Variants in ARHGAP44 observed in about 807,000 individuals in gnomAD.
ARHGAP44 encodes the protein rho GTPase-activating protein 44.
Under a neutral mutation model 106.8 loss-of-function variants are expected in ARHGAP44, and 43 were observed. That is an observed-to-expected ratio of 0.40 (90% CI 0.32 to 0.52). The LOEUF (loss-of-function observed/expected upper bound fraction) is 0.52. Ranked by LOEUF, ARHGAP44 falls within the 20% of genes least tolerant of loss-of-function variation. The probability of loss-of-function intolerance (pLI) is 0.48; values close to 1 mark genes in which losing one functional copy is unlikely to be tolerated. For missense variants in ARHGAP44, 866 were observed against 1,050.5 expected, an observed-to-expected ratio of 0.82 and a Z score of 2.43; for synonymous variants, 439 against 410.3, an observed-to-expected ratio of 1.07 and a Z score of -0.85.
intron 5 of ARHGAP44, among the ~76,000 whole-genome samples, 177 bp downstream of exon 5, chr17:12,916,188 C>T (rs548933442): frequency 1.3e-5 from 2 of 152,236 alleles, no homozygotes; most frequent in South Asian, 2.1e-4. Flanking sequence ...GTCCTTTTAG[C>T]ATTTGCTACC....
chr17:12,900,132 A>AT lies in ARHGAP44; in HGVS notation c.198+3626dup, dbSNP rs372138557. Among the ~76,000 whole-genome samples, 292 of 151,812 alleles carry AT rather than the reference A, an allele frequency of 1.9e-3. 1 individual carries two copies. Among genetic ancestry groups the AT allele is most frequent in the African/African-American group, 6.7e-3 (277 of 41,386 alleles). ...CATGTTGCCATCTTTTTTTATTTTT[A>AT]TTTTTATTTTTTTTTGAGACAGAGC... On this transcript the variant is annotated intron_variant, in intron 3 of 20. Transcript: ENST00000379672.
intron 1 of ARHGAP44, among the ~76,000 whole-genome samples, chr17:12,844,863 C>T (rs59892905): frequency 6.6e-6 from 1 of 151,612 alleles, no homozygotes; most frequent in Non-Finnish European, 1.5e-5. Context: ...GGTTATCTGT[C>T]GAAGATTGGT....
rs572601800 is a variant in ARHGAP44 at position 12,985,539 on chromosome 17, C to T, written c.2317+631C>T. On this transcript the variant is annotated intron_variant, in intron 20 of 20. Coordinates refer to ENST00000379672, the MANE Select transcript of ARHGAP44 (RefSeq NM_014859.6). ...TTGGGCTTAAATTTAGAAACAAAGA[C>T]GGAGCTCTCTTCCCCCAGAAAAATC... 8 of 152,316 alleles carry T rather than the reference C, an allele frequency of 5.3e-5. No individual in the cohort carries two copies. The South Asian group carries it at 1.2e-3, about 24-fold the overall frequency. The allele number at this position is 152,316 out of a possible 1,614,324, so 9.4% of individuals were successfully genotyped here.
chr17:12,913,233 G>T (rs1249880109), intron 4 of ARHGAP44, among the ~76,000 whole-genome samples: 1 of 152,022 alleles, frequency 6.6e-6, no homozygotes, highest in East Asian at 1.9e-4. Flanking sequence ...CTTAGGATGA[G>T]GTTTAATTTT....
chr17:12,889,104 T>G (rs1202158831), intron 1 of ARHGAP44, among the ~76,000 whole-genome samples: 1 of 152,212 alleles, frequency 6.6e-6, no homozygotes, highest in Admixed American at 6.5e-5. Flanking sequence ...AAATCTGCCA[T>G]TTTTGTTTAT....
At position 12,977,657 on chromosome 17, in the gene ARHGAP44, C is replaced by T. The variant is rs73294311; in HGVS notation, c.1764-2401C>T. Reference sequence around the variant, plus strand: ...GGTAGCGCCCCTAGTAGCCGCCCTACGCCCCACCTCTCCCCACTGGGTCAG... The same window carrying T: ...GGTAGCGCCCCTAGTAGCCGCCCTATGCCCCACCTCTCCCCACTGGGTCAG... On this transcript the variant is annotated intron_variant, in intron 18 of 20. Coordinates refer to ENST00000379672, the MANE Select transcript of ARHGAP44 (RefSeq NM_014859.6). Among the ~76,000 whole-genome samples the T allele has an allele frequency of 5.4e-3, 826 of 152,252 alleles. 9 individuals carry two copies. The highest frequency in any genetic ancestry group is 0.018 in the African/African-American group (760 of 41,526).
At chr17:12,891,258 A>G (rs2215055) in intron 1 of ARHGAP44, among the ~76,000 whole-genome samples, 31,262 of 152,110 alleles carry the variant, frequency 0.21, 4,042 homozygotes, top group East Asian at 0.44. Context: ...GGTATTTGTT[A>G]TAGCAGTACC....
rs376636374 is a variant in ARHGAP44 at position 12,855,206 on chromosome 17, C to G, written c.54-39734C>G. ...ATCTCTGGGGCCAGGAGTTCAAGAC[C>G]AACCTGGGCAACATAGTGAGACCCC... On this transcript the variant is annotated intron_variant, in intron 1 of 20. Transcript: ENST00000379672. 8.9e-4 allele frequency among the ~76,000 whole-genome samples: 136 copies of G among 152,124 alleles called. 3 individuals are homozygous for G. In the East Asian group the frequency reaches 0.019, roughly 21 times the overall value.
At chr17:12,814,343 C>A (rs1027038032) in intron 1 of ARHGAP44, among the ~76,000 whole-genome samples, 1 of 149,002 alleles carries the variant, frequency 6.7e-6, no homozygotes, top group Non-Finnish European at 1.5e-5. Flanking sequence ...TGAGTTCAAG[C>A]AATTCTCCTG....
At chr17:12,920,731 A>G (rs1311537814) in intron 6 of ARHGAP44, among the ~76,000 whole-genome samples, 1 of 152,226 alleles carries the variant, frequency 6.6e-6, no homozygotes, top group Non-Finnish European at 1.5e-5. Flanking sequence ...CTTTTCCTGA[A>G]GCTGATGGTG....
intron 1 of ARHGAP44, among the ~76,000 whole-genome samples, chr17:12,817,331 G>A (rs761026048): frequency 1.3e-5 from 2 of 152,074 alleles, no homozygotes; most frequent in Admixed American, 1.3e-4. Flanking sequence ...TTTACCCTGT[G>A]ATTATTATGC....
At chr17:12,987,101 C>T (rs1400884871) in intron 20 of ARHGAP44, 7 of 1,533,092 alleles carry the variant, frequency 4.6e-6, no homozygotes, top group South Asian at 1.2e-5. Flanking sequence ...GTTCTTGCAG[C>T]TGTGTGACAT....
chr17:12,974,158 C>T lies in ARHGAP44; in HGVS notation c.1611C>T (p.Ser537=). ...RRGSSAGRKV[S]CAPPSMQPPA... Reference sequence around the variant, plus strand: ...GCTCCTCGGCCGGTCGGAAAGTGTCCTGCGCCCCGCCCTCCATGCAGCCTC... The same window carrying T: ...GCTCCTCGGCCGGTCGGAAAGTGTCTTGCGCCCCGCCCTCCATGCAGCCTC... Residue 537 remains serine (S), a synonymous_variant, in exon 18 of 21, where the codon TCC becomes TCT. Transcript: ENST00000379672. The T allele has an allele frequency of 6.4e-7, 1 of 1,556,174 alleles. No individual in the cohort carries two copies. The highest frequency in any genetic ancestry group is 8.7e-7 in the Non-Finnish European group (1 of 1,150,464).
intron 10 of ARHGAP44, among the ~76,000 whole-genome samples, chr17:12,947,761 T>G (rs1043703786): frequency 6.6e-6 from 1 of 152,236 alleles, no homozygotes; most frequent in African/African-American, 2.4e-5. Flanking sequence ...CATGGTTTTA[T>G]GAAGATCTGA....
chr17:12,976,867 G>C (rs987517824), intron 18 of ARHGAP44, among the ~76,000 whole-genome samples: 5 of 152,150 alleles, frequency 3.3e-5, no homozygotes, highest in African/African-American at 1.2e-4. Context: ...GCCAGGTGAG[G>C]CCGACCAGGA....
intron 1 of ARHGAP44, among the ~76,000 whole-genome samples, chr17:12,809,556 A>G (rs1241690966): frequency 2.0e-5 from 3 of 152,188 alleles, no homozygotes; most frequent in Non-Finnish European, 2.9e-5. Context: ...AACATGGGAA[A>G]GACCTGCCCC....
At position 12,974,241 on chromosome 17, in the gene ARHGAP44, T is replaced by A. The variant is rs1195077205; in HGVS notation, c.1694T>A (p.Leu565Gln). 3 of 1,536,792 alleles carry A rather than the reference T, an allele frequency of 2.0e-6. No individual in the cohort carries two copies. The highest frequency in any genetic ancestry group is 2.6e-6 in the Non-Finnish European group (3 of 1,141,834). ...PLPSPLPEQP[L>Q]DSPAAPALSP... ...CCTTCGCCGCTGCCGGAGCAGCCCC[T>A]GGACAGCCCCGCGGCCCCCGCGCTC... Residue 565 changes from leucine to glutamine, a missense_variant, in exon 18 of 21, where the codon CTG becomes CAG. By Grantham distance (113) the Leu-to-Gln change is moderately radical. This residue lies in a region of ARHGAP44 where 418 missense variants were observed against 403.6 expected (regional missense o/e 1.04). Coordinates refer to ENST00000379672, the MANE Select transcript of ARHGAP44 (RefSeq NM_014859.6).
At chr17:12,852,362 G>A (rs1316006230) in intron 1 of ARHGAP44, among the ~76,000 whole-genome samples, 1 of 129,444 alleles carries the variant, frequency 7.7e-6, no homozygotes, top group Non-Finnish European at 1.6e-5. Context: ...TTCGTTTCCA[G>A]TACTTGTCAT....
At chr17:12,815,129 AT>A (rs111484599) in intron 1 of ARHGAP44, among the ~76,000 whole-genome samples, 23,333 of 147,482 alleles carry the variant, frequency 0.16, 3,494 homozygotes, top group African/African-American at 0.4. Flanking sequence ...TGTTCTTTTG[AT>A]TTTTTTTTTT....
Sources: allele counts gnomAD v4.1 joint callset (sites outside exome capture counted in the v4.1 genomes callset), GRCh38; gene constraint gnomAD v4.1.1; regional missense constraint gnomAD v4.1.1; transcripts MANE v1.5; gene names NCBI Gene and HGNC (gene_info 2026-07-23, HGNC 2026-07-21).